DMD: variants seen among roughly 807,000 people sequenced by gnomAD.
DMD encodes dystrophin.
A neutral mutation model predicts 330.1 loss-of-function variants in DMD; 63 were observed. That is an observed-to-expected ratio of 0.19 (90% CI 0.16 to 0.24). DMD has a LOEUF of 0.24. Ranked by LOEUF, DMD falls within the 10% of genes least tolerant of loss-of-function variation. The pLI, the probability that DMD is intolerant of heterozygous loss-of-function variation, is 1.00. For missense variants in DMD, 3,344 were observed against 2,684.1 expected (o/e 1.25, Z -5.43); for synonymous variants, 1,223 against 959.8 (o/e 1.27, Z -5.07).
At chrX:31,802,512 A>G (rs776571112) in intron 50 of DMD, among the ~76,000 whole-genome samples, 151 of 111,760 alleles carry the variant, frequency 1.4e-3, no homozygotes, top group African/African-American at 4.8e-3. Context: ...GATAAATCTA[A>G]AAATGAAAGC....
At chrX:32,498,837 C>T (rs767971540) in intron 19 of DMD, among the ~76,000 whole-genome samples, 1 of 111,763 alleles carries the variant, frequency 8.9e-6, no homozygotes, top group South Asian at 3.7e-4. Flanking sequence ...TTTAACAATA[C>T]TTTGCACCAT....
chrX:32,110,970 G>A (rs138256968), intron 44 of DMD, among the ~76,000 whole-genome samples: 614 of 112,193 alleles, frequency 5.5e-3, no homozygotes, highest in Non-Finnish European at 9.3e-3. Flanking sequence ...TACAAATTCA[G>A]AAGTAAATAA....
intron 49 of DMD, among the ~76,000 whole-genome samples, chrX:31,821,110 TC>T (rs1382751965): frequency 8.9e-6 from 1 of 112,619 alleles, no homozygotes; most frequent in Non-Finnish European, 1.9e-5. Context: ...ACATTTTTTT[TC>T]CTTTCTATTG....
intron 44 of DMD, among the ~76,000 whole-genome samples, chrX:32,173,066 GGTGTGTGTGTGTGT>G (rs3040089): frequency 5.6e-5 from 5 of 89,626 alleles, no homozygotes; most frequent in South Asian, 5.7e-4. Context: ...ACCTGATTTT[GGTGTGTGTGTGTGT>G]GTGTGTGTGT....
intron 29 of DMD, among the ~76,000 whole-genome samples, chrX:32,436,744 G>T (rs1324307371): frequency 3.6e-5 from 4 of 110,433 alleles, no homozygotes; most frequent in Non-Finnish European, 7.6e-5. Flanking sequence ...TTGAGCCCGG[G>T]AGTTCAAGAC....
chrX:32,053,204 G>A (rs778558037), intron 44 of DMD, among the ~76,000 whole-genome samples: 22 of 111,619 alleles, frequency 2.0e-4, no homozygotes, highest in Admixed American at 4.7e-4. Context: ...AATCTAAGAA[G>A]CTCTCAAATG....
At chrX:31,823,121 C>T (rs1273031049) in intron 49 of DMD, among the ~76,000 whole-genome samples, 1 of 112,953 alleles carries the variant, frequency 8.9e-6, no homozygotes, top group African/African-American at 3.2e-5. Context: ...GGAATAAAGG[C>T]TCTCATGCCC....
intron 17 of DMD, among the ~76,000 whole-genome samples, chrX:32,543,632 T>G (rs943630352): frequency 1.1e-4 from 12 of 112,107 alleles, no homozygotes; most frequent in Non-Finnish European, 1.9e-5. Flanking sequence ...ATAAAAGAAA[T>G]TCATCAAAAG....
intron 43 of DMD, among the ~76,000 whole-genome samples, chrX:32,280,438 C>T (rs930776533): frequency 9.1e-6 from 1 of 109,999 alleles, no homozygotes; most frequent in Non-Finnish European, 1.9e-5. Context: ...CTACCAAGCT[C>T]AGAAACCAAC....
At chrX:32,638,915 C>T (rs2059267861) in intron 11 of DMD, among the ~76,000 whole-genome samples, 1 of 111,200 alleles carries the variant, frequency 9.0e-6, no homozygotes. Flanking sequence ...AGAGATGAGC[C>T]ATATTTGTTA....
At chrX:33,055,052 G>A (rs2094501071) in intron 1 of DMD, among the ~76,000 whole-genome samples, 1 of 111,785 alleles carries the variant, frequency 8.9e-6, no homozygotes, top group African/African-American at 3.3e-5. Context: ...GGATTTTGAT[G>A]AGATCAAGAA....
chrX:32,477,378 T>G (rs2041344801), intron 21 of DMD, among the ~76,000 whole-genome samples: 1 of 110,706 alleles, frequency 9.0e-6, no homozygotes. Flanking sequence ...ATAGGCAAAC[T>G]GACATCTAAA....
At chrX:32,101,555 AT>A (rs2060162267) in intron 44 of DMD, among the ~76,000 whole-genome samples, 1 of 112,062 alleles carries the variant, frequency 8.9e-6, no homozygotes, top group Admixed American at 9.5e-5. Flanking sequence ...TTTGAACTTA[AT>A]ATTTATTGAA....
intron 16 of DMD, among the ~76,000 whole-genome samples, chrX:32,547,129 T>C (rs1211348575): frequency 9.0e-6 from 1 of 111,265 alleles, no homozygotes; most frequent in Non-Finnish European, 1.9e-5. Flanking sequence ...GAAGATAATA[T>C]TTTGCAGATT....
chrX:32,332,613 G>A (rs766743783), intron 41 of DMD, among the ~76,000 whole-genome samples: 16 of 110,520 alleles, frequency 1.4e-4, no homozygotes, highest in African/African-American at 4.3e-4. Flanking sequence ...GCAGCAAAGG[G>A]GTCAACATAG....
At chrX:31,680,836 T>C (rs748705554) in intron 52 of DMD, among the ~76,000 whole-genome samples, 72 of 112,050 alleles carry the variant, frequency 6.4e-4, no homozygotes, top group Middle Eastern at 4.6e-3. Context: ...TAAACAGGAC[T>C]ACATTATTTT....
intron 44 of DMD, among the ~76,000 whole-genome samples, chrX:32,034,699 G>T (rs1164268236): frequency 1.8e-5 from 2 of 111,424 alleles, no homozygotes; most frequent in South Asian, 3.7e-4. Context: ...AAATGGAAAT[G>T]TAATGCATTG....
chrX:31,755,464 C>A (rs955215178), intron 51 of DMD, among the ~76,000 whole-genome samples: 2 of 111,686 alleles, frequency 1.8e-5, no homozygotes, highest in Admixed American at 1.9e-4. Flanking sequence ...CTTGATTGAA[C>A]CTTTTATACG....
intron 62 of DMD, among the ~76,000 whole-genome samples, chrX:31,308,052 C>T (rs1360939743): frequency 9.0e-6 from 1 of 111,523 alleles, no homozygotes; most frequent in Non-Finnish European, 1.9e-5. Context: ...AGGGCTTGTG[C>T]ACCTACGATA....
Sources: gnomAD v4.1 joint callset for allele counts (sites outside exome capture counted in the v4.1 genomes callset) on GRCh38, gnomAD v4.1.1 for gene constraint, MANE v1.5 for transcripts, NCBI Gene and HGNC (gene_info 2026-07-23, HGNC 2026-07-21) for gene names.